The following IGSF21 variants were observed in gnomAD, a reference collection of about 807,000 sequenced individuals.
IGSF21 encodes immunoglobulin superfamily member 21.
A neutral mutation model predicts 46.8 loss-of-function variants in IGSF21; 28 were observed. The observed-to-expected ratio is 0.60, with a 90% CI of 0.44 to 0.82. The LOEUF (loss-of-function observed/expected upper bound fraction) is 0.82, where lower values mean the gene tolerates loss of function less well. IGSF21 is among the 40% of genes least tolerant of loss of function. The pLI, the probability that IGSF21 is intolerant of heterozygous loss-of-function variation, is 0.00. For synonymous variants in IGSF21, 284 were observed against 273.6 expected (o/e 1.04, Z -0.38); for missense variants, 624 against 665.5 (o/e 0.94, Z 0.69).
intron 2 of IGSF21, among the ~76,000 whole-genome samples, chr1:18,233,099 T>C (rs1237870044): frequency 2.0e-5 from 3 of 152,204 alleles, no homozygotes; most frequent in African/African-American, 7.2e-5. Flanking sequence ...GTTTTTATCA[T>C]CCCTCCTTTG....
intron 1 of IGSF21, among the ~76,000 whole-genome samples, chr1:18,166,438 C>T (rs908860360): frequency 1.6e-4 from 24 of 152,080 alleles, no homozygotes; most frequent in African/African-American, 4.8e-4. Flanking sequence ...TTCGCACAGC[C>T]GCAGGGTGAC....
chr1:18,271,107 C>A (rs536715067), intron 2 of IGSF21, among the ~76,000 whole-genome samples: 2 of 152,138 alleles, frequency 1.3e-5, no homozygotes, highest in African/African-American at 4.8e-5. Context: ...GCTCGCAGAG[C>A]TATGGGCAGA....
intron 1 of IGSF21, among the ~76,000 whole-genome samples, chr1:18,146,730 C>T (rs959767198): frequency 6.6e-6 from 1 of 152,144 alleles, no homozygotes; most frequent in Admixed American, 6.5e-5. Flanking sequence ...TCAGTTCTGA[C>T]GTGCCCCTCT....
At chr1:18,368,438 GA>G (rs2086189432) in intron 6 of IGSF21, among the ~76,000 whole-genome samples, 2 of 151,444 alleles carry the variant, frequency 1.3e-5, no homozygotes, top group African/African-American at 2.4e-5. Flanking sequence ...TTGAACCCAG[GA>G]GGCAGAGGCT....
At chr1:18,243,674 C>A (rs2084755392) in intron 2 of IGSF21, among the ~76,000 whole-genome samples, 1 of 152,192 alleles carries the variant, frequency 6.6e-6, no homozygotes, top group Admixed American at 6.5e-5. Flanking sequence ...CCCTTTCTGG[C>A]CTCGCCCACT....
At chr1:18,207,354 G>A (rs559453191) in intron 1 of IGSF21, among the ~76,000 whole-genome samples, 44 of 152,282 alleles carry the variant, frequency 2.9e-4, no homozygotes, top group African/African-American at 9.6e-4. Context: ...TGATCATGGA[G>A]TGATAACCCA....
intron 3 of IGSF21, among the ~76,000 whole-genome samples, chr1:18,319,731 G>A (rs2124592774): frequency 6.6e-6 from 1 of 152,246 alleles, no homozygotes; most frequent in African/African-American, 2.4e-5. Context: ...CCCTTTGTCA[G>A]GACTTTGCTC....
At chr1:18,144,224 C>A (rs1460533721) in intron 1 of IGSF21, among the ~76,000 whole-genome samples, 1 of 152,200 alleles carries the variant, frequency 6.6e-6, no homozygotes, top group African/African-American at 2.4e-5. Flanking sequence ...CTTCCCCAGG[C>A]CTGGCCCACA....
intron 2 of IGSF21, among the ~76,000 whole-genome samples, chr1:18,285,457 T>C (rs1300670531): frequency 6.6e-6 from 1 of 152,078 alleles, no homozygotes; most frequent in Non-Finnish European, 1.5e-5. Context: ...TGAGAAACTG[T>C]GGTCTCTAGG....
rs2085598917 is a variant in IGSF21, at chr1:18,321,334, G to C, written c.306-13558G>C. ...CCTGCCCTTTATGACTCTCTCTCCA[G>C]CCTGAAAGAGTTTGTTTCTGTTCTG... On this transcript the variant is annotated intron_variant, in intron 3 of 9. Coordinates refer to ENST00000251296, the MANE Select transcript of IGSF21 (RefSeq NM_032880.5). 4.6e-5 allele frequency among the ~76,000 whole-genome samples: 7 copies of C among 152,152 alleles called. No homozygotes were observed. The South Asian group carries it at 1.5e-3, about 32-fold the overall frequency.
intron 1 of IGSF21, among the ~76,000 whole-genome samples, chr1:18,146,627 C>T (rs1184082176): frequency 6.6e-6 from 1 of 152,188 alleles, no homozygotes. Flanking sequence ...AGGAGAGGAA[C>T]TGAGCGTTCA....
chr1:18,362,068 A>C lies in IGSF21; in HGVS notation c.425-47A>C, dbSNP rs870645. On this transcript the variant is annotated intron_variant, in intron 4 of 9. Coordinates refer to ENST00000251296, the MANE Select transcript of IGSF21 (RefSeq NM_032880.5). The stretch of plus-strand genomic sequence containing the variant: ...TTAGGTCATCAGTGAACTCTTCCTG[A>C]ATCTCCCAGTTGAGCCCTTGTCTTC... 4.4e-6 allele frequency: 6 copies of C among 1,357,976 alleles called. No individual in the cohort carries two copies. In the African/African-American group the frequency reaches 8.6e-5, roughly 20 times the overall value. The allele number at this position is 1,357,976 out of a possible 1,614,324, so 84.1% of individuals were successfully genotyped here. A position where few individuals can be genotyped will look rare whatever the true frequency, so the allele number is the denominator to read the frequency against.
At chr1:18,374,359 T>G (rs1159876246) in intron 6 of IGSF21, among the ~76,000 whole-genome samples, 4 of 152,166 alleles carry the variant, frequency 2.6e-5, no homozygotes, top group Admixed American at 2.6e-4. Context: ...GCTAAACAAA[T>G]GTTAGCCATC....
At chr1:18,313,013 A>C (rs1285120016) in intron 3 of IGSF21, among the ~76,000 whole-genome samples, 1 of 152,160 alleles carries the variant, frequency 6.6e-6, no homozygotes, top group African/African-American at 2.4e-5. Context: ...ATGTGGCCTG[A>C]GTTCCTGAAG....
rs2085356043 is a variant in IGSF21 at position 18,301,028 on chromosome 1, G to C, written c.305+9041G>C. ...TGTCGAATCAATGGGCTGAAGGGTT[G>C]TATTCCAATGTGGAATTATCATTTC... On this transcript the variant is annotated intron_variant, in intron 3 of 9. Transcript: ENST00000251296. Among the ~76,000 whole-genome samples, 2 of 152,158 alleles carry C rather than the reference G, an allele frequency of 1.3e-5. 1 individual carries two copies. Among genetic ancestry groups the C allele is most frequent in the South Asian group, 4.1e-4 (2 of 4,834 alleles).
chr1:18,196,400 C>T (rs2087009334), intron 1 of IGSF21, among the ~76,000 whole-genome samples: 1 of 152,166 alleles, frequency 6.6e-6, no homozygotes, highest in Non-Finnish European at 1.5e-5. Flanking sequence ...GCCTTGGATA[C>T]TTCCTGAGTC....
intron 2 of IGSF21, among the ~76,000 whole-genome samples, chr1:18,272,592 C>A (rs758238987): frequency 6.6e-6 from 1 of 152,260 alleles, no homozygotes; most frequent in Non-Finnish European, 1.5e-5. Context: ...GAAGATCCAT[C>A]ACCCATGTGA....
chr1:18,180,179 G>T (rs1449632641), intron 1 of IGSF21, among the ~76,000 whole-genome samples: 1 of 152,186 alleles, frequency 6.6e-6, no homozygotes, highest in Non-Finnish European at 1.5e-5. Context: ...GAAACATAGG[G>T]TATAATAGAA....
intron 4 of IGSF21, 99 bp from the exon 5 acceptor site, chr1:18,362,016 C>T (rs759243999): frequency 8.8e-6 from 7 of 794,022 alleles, no homozygotes; most frequent in South Asian, 3.4e-5. Flanking sequence ...CCCCCACCCC[C>T]GGCACCCAGC....
Sources: gnomAD v4.1 joint callset for allele counts (sites outside exome capture counted in the v4.1 genomes callset) on GRCh38, gnomAD v4.1.1 for gene constraint, MANE v1.5 for transcripts, NCBI Gene and HGNC (gene_info 2026-07-23, HGNC 2026-07-21) for gene names.